Variants in SOX5 observed in about 807,000 individuals in gnomAD.
SOX5 encodes transcription factor SOX-5.
Under a neutral mutation model 92.0 loss-of-function variants are expected in SOX5, and 9 were observed. That is an observed-to-expected ratio of 0.10 (90% CI 0.06 to 0.17). The LOEUF is 0.17. Among genes scored for constraint, SOX5 ranks in the 10% least tolerant of loss-of-function variants. The pLI is 1.00. For missense variants in SOX5, 642 were observed against 944.5 expected (o/e 0.68, Z 4.20); for synonymous variants, 344 against 336.3 (o/e 1.02, Z -0.25).
intron 6 of SOX5, among the ~76,000 whole-genome samples, chr12:23,682,753 G>GA (rs2086829037): frequency 6.6e-6 from 1 of 151,430 alleles, no homozygotes; most frequent in East Asian, 1.9e-4. Context: ...TTACATGTTT[G>GA]AAAAAATACA....
chr12:24,536,122 C>T (rs1261726503), intron 1 of SOX5, among the ~76,000 whole-genome samples: 3 of 152,162 alleles, frequency 2.0e-5, no homozygotes, highest in Non-Finnish European at 2.9e-5. Context: ...AGGTGAGCTC[C>T]GTAGCTCCCC....
At chr12:24,025,907 T>G (rs532187816) in intron 4 of SOX5, among the ~76,000 whole-genome samples, 1 of 152,178 alleles carries the variant, frequency 6.6e-6, no homozygotes, top group South Asian at 2.1e-4. Flanking sequence ...ACACAGGAAC[T>G]CTGTAAGCTT....
chr12:23,545,152 G>A (rs1020638840), intron 12 of SOX5, among the ~76,000 whole-genome samples: 1 of 152,182 alleles, frequency 6.6e-6, no homozygotes, highest in Admixed American at 6.5e-5. Context: ...GGTCTTAAAA[G>A]TAGAATTGGC....
chr12:24,256,097 C>A (rs1941111714), intron 3 of SOX5, among the ~76,000 whole-genome samples: 2 of 152,194 alleles, frequency 1.3e-5, no homozygotes, highest in South Asian at 4.1e-4. Flanking sequence ...TCCCCAATGA[C>A]TGAGCTGCCA....
At chr12:24,327,991 C>T (rs923279059) in intron 2 of SOX5, among the ~76,000 whole-genome samples, 1 of 152,112 alleles carries the variant, frequency 6.6e-6, no homozygotes, top group African/African-American at 2.4e-5. Context: ...CGCACCCAGC[C>T]GCAATAGAGA....
At chr12:24,461,262 T>TTTAA (rs34373940) in intron 1 of SOX5, among the ~76,000 whole-genome samples, 148,642 of 152,160 alleles carry the variant, frequency 0.98, 72,680 homozygotes, top group East Asian at 1. Context: ...AAGCTGGTCA[T>TTTAA]TTAAGTCAGA....
intron 4 of SOX5, among the ~76,000 whole-genome samples, chr12:24,001,394 AATTAG>A (rs1270646118): frequency 6.6e-6 from 1 of 152,186 alleles, no homozygotes; most frequent in East Asian, 1.9e-4. Context: ...AACCAGCCTA[AATTAG>A]ATTAAATCTA....
chr12:24,413,087 G>A (rs1371579803), intron 1 of SOX5, among the ~76,000 whole-genome samples: 2 of 152,144 alleles, frequency 1.3e-5, no homozygotes, highest in African/African-American at 2.4e-5. Flanking sequence ...CAACGTTGAG[G>A]TTCCTCTATA....
intron 3 of SOX5, among the ~76,000 whole-genome samples, chr12:23,792,430 G>A (rs539715535): frequency 4.0e-5 from 6 of 151,360 alleles, no homozygotes; most frequent in South Asian, 4.2e-4. Context: ...CGAGACCAGC[G>A]TGGCCAACAT....
chr12:23,881,908 A>T (rs1478470366), intron 2 of SOX5, among the ~76,000 whole-genome samples: 4 of 152,226 alleles, frequency 2.6e-5, no homozygotes, highest in South Asian at 4.1e-4. Flanking sequence ...TAAAACAAAA[A>T]TAATTAAAGA....
rs1211395810 is a variant in SOX5 at position 23,689,617 on chromosome 12, T to C, written c.811-24053A>G. ...ATTAGTGCATTCTCTATCATGTCAT[T>C]CCAGTTGTAAGTCTTTTTCCTATCT... On this transcript the variant is annotated intron_variant, in intron 6 of 14. Coordinates refer to ENST00000451604, the MANE Select transcript of SOX5 (RefSeq NM_006940.6). Among the ~76,000 whole-genome samples the C allele has an allele frequency of 2.0e-5, 3 of 152,182 alleles. No homozygotes were observed. In the East Asian group the frequency reaches 5.8e-4, roughly 29 times the overall value.
intron 13 of SOX5, among the ~76,000 whole-genome samples, chr12:23,537,625 CTTTCT>C (rs1484147200): frequency 6.6e-6 from 1 of 152,170 alleles, no homozygotes; most frequent in Non-Finnish European, 1.5e-5. Flanking sequence ...TGTTTTCCCC[CTTTCT>C]TTTCACTATT....
chr12:23,569,515 T>G (rs1947765801), intron 10 of SOX5, among the ~76,000 whole-genome samples: 1 of 152,220 alleles, frequency 6.6e-6, no homozygotes, highest in African/African-American at 2.4e-5. Context: ...ATCATCATTC[T>G]GAGATAAGTC....
intron 1 of SOX5, among the ~76,000 whole-genome samples, chr12:24,538,478 G>C (rs1434104819): frequency 6.6e-6 from 1 of 152,014 alleles, no homozygotes; most frequent in Non-Finnish European, 1.5e-5. Flanking sequence ...TTCAGTTCAA[G>C]TCTACAGCTA....
chr12:24,318,085 T>C (rs1595522030), intron 2 of SOX5, among the ~76,000 whole-genome samples: 1 of 152,162 alleles, frequency 6.6e-6, no homozygotes, highest in South Asian at 2.1e-4. Context: ...GGCACCCAGC[T>C]GTAATCCCAG....
chr12:24,429,575 G>A (rs1203842106), intron 1 of SOX5, among the ~76,000 whole-genome samples: 1 of 151,498 alleles, frequency 6.6e-6, no homozygotes, highest in African/African-American at 2.4e-5. Context: ...TATTTACTTG[G>A]TGTTGCTTTC....
chr12:23,825,476 C>T (rs1005551071), intron 3 of SOX5, among the ~76,000 whole-genome samples: 2 of 152,204 alleles, frequency 1.3e-5, no homozygotes, highest in South Asian at 2.1e-4. Flanking sequence ...CCACCTTCTG[C>T]GTTGGTCTGG....
intron 2 of SOX5, among the ~76,000 whole-genome samples, chr12:24,352,958 G>A (rs1251730323): frequency 3.3e-5 from 5 of 152,184 alleles, no homozygotes; most frequent in African/African-American, 1.2e-4. Context: ...GAGATACCTG[G>A]AGCATGTCTA....
At chr12:24,231,416 C>T (rs529486695) in intron 3 of SOX5, among the ~76,000 whole-genome samples, 1 of 152,272 alleles carries the variant, frequency 6.6e-6, no homozygotes, top group Admixed American at 6.5e-5. Flanking sequence ...CAATCATAAA[C>T]TCAACTCTAG....
Sources: allele counts gnomAD v4.1 joint callset (sites outside exome capture counted in the v4.1 genomes callset), GRCh38; gene constraint gnomAD v4.1.1; transcripts MANE v1.5; gene names NCBI Gene and HGNC (gene_info 2026-07-23, HGNC 2026-07-21).